Variants in GNG4 observed in about 807,000 individuals in gnomAD.
GNG4 encodes the protein G protein subunit gamma 4, also known as guanine nucleotide-binding protein G(I)/G(S)/G(O) subunit gamma-4.
A neutral mutation model predicts 5.8 loss-of-function variants in GNG4; 4 were observed. The ratio of observed to expected loss-of-function variants is 0.69; its 90% CI spans 0.34 to 1.57. The LOEUF (loss-of-function observed/expected upper bound fraction) is 1.57, where lower values mean the gene tolerates loss of function less well. GNG4 is among the 40% of genes most tolerant of loss of function. The probability of loss-of-function intolerance (pLI) is 0.06; values close to 1 mark genes in which losing one functional copy is unlikely to be tolerated. For missense variants in GNG4, 96 were observed against 95.1 expected (o/e 1.01, Z -0.04); for synonymous variants, 29 against 32.9 (o/e 0.88, Z 0.41).
chr1:235,643,890 C>T (rs760220612), intron 1 of GNG4, among the ~76,000 whole-genome samples: 6 of 152,338 alleles, frequency 3.9e-5, no homozygotes, highest in Non-Finnish European at 8.8e-5. Context: ...GAGGGTCTAA[C>T]GAGAAACTTG....
chr1:235,553,800 A>T (rs991688677), intron 3 of GNG4, among the ~76,000 whole-genome samples: 5 of 152,224 alleles, frequency 3.3e-5, no homozygotes, highest in Admixed American at 2.6e-4. Context: ...CCCGTAAGCT[A>T]GCTGTGTGAC....
At chr1:235,587,363 GT>G (rs1687802833) in intron 2 of GNG4, among the ~76,000 whole-genome samples, 1 of 82,208 alleles carries the variant, frequency 1.2e-5, no homozygotes, top group Admixed American at 1.2e-4. Flanking sequence ...GGGGTGGGGT[GT>G]GTGTGAGTGT....
intron 1 of GNG4, among the ~76,000 whole-genome samples, chr1:235,636,366 G>A (rs1268062704): frequency 6.6e-6 from 1 of 152,220 alleles, no homozygotes; most frequent in East Asian, 1.9e-4. Flanking sequence ...GGGGGTCTCA[G>A]AAAAGGGGAA....
chr1:235,636,456 G>C (rs1446201817), intron 1 of GNG4, among the ~76,000 whole-genome samples: 7 of 152,110 alleles, frequency 4.6e-5, no homozygotes, highest in African/African-American at 1.2e-4. Context: ...AGCTGGCACT[G>C]AGCAGCAGGC....
chr1:235,605,879 G>A (rs1348043462), intron 1 of GNG4, among the ~76,000 whole-genome samples: 1 of 151,248 alleles, frequency 6.6e-6, no homozygotes, highest in African/African-American at 2.4e-5. Flanking sequence ...ATGTAGGCAG[G>A]TGTCATCAAA....
At position 235,551,537 on chromosome 1, in the gene GNG4, C is replaced by T. The variant is rs189513363; in HGVS notation, c.*572G>A. 5.9e-3 allele frequency: 864 copies of T among 146,504 alleles called. 3 individuals are homozygous for T. The highest frequency in any genetic ancestry group is 8.2e-3 in the Admixed American group (114 of 13,916). The allele number at this position is 146,504 out of a possible 1,614,324, so 9.1% of individuals were successfully genotyped here. On this transcript the variant is annotated 3_prime_UTR_variant, in exon 4 of 4. Transcript: ENST00000391854. Reference sequence around the variant, plus strand: ...CAGCCTGGGTGACAGAGCGAGACTCCATCTCAAAACAACAACAACAACAAA... The same window carrying T: ...CAGCCTGGGTGACAGAGCGAGACTCTATCTCAAAACAACAACAACAACAAA...
chr1:235,594,669 C>T (rs1048198742), intron 2 of GNG4, among the ~76,000 whole-genome samples: 6 of 152,222 alleles, frequency 3.9e-5, no homozygotes, highest in Non-Finnish European at 7.3e-5. Context: ...GCGGGCCGGC[C>T]GCTCCCAGTG....
chr1:235,602,594 G>T (rs1688280403), intron 1 of GNG4, among the ~76,000 whole-genome samples: 1 of 152,196 alleles, frequency 6.6e-6, no homozygotes, highest in Admixed American at 6.6e-5. Flanking sequence ...CTGGATGGCT[G>T]CCTTGAAAAT....
chr1:235,568,672 C>T (rs919028420), intron 3 of GNG4, among the ~76,000 whole-genome samples: 2 of 152,072 alleles, frequency 1.3e-5, no homozygotes, highest in African/African-American at 4.8e-5. Flanking sequence ...AAGTGTTGTC[C>T]AGACTGATAT....
At chr1:235,630,130 G>A (rs1199620162) in intron 1 of GNG4, among the ~76,000 whole-genome samples, 1 of 152,224 alleles carries the variant, frequency 6.6e-6, no homozygotes, top group Non-Finnish European at 1.5e-5. Context: ...TAGAGTTGGT[G>A]AGTAGAGATG....
intron 3 of GNG4, among the ~76,000 whole-genome samples, chr1:235,582,857 A>C (rs1042670766): frequency 1.3e-5 from 2 of 152,182 alleles, no homozygotes; most frequent in African/African-American, 4.8e-5. Flanking sequence ...TTGTACCCCC[A>C]GAGCTCCAGG....
intron 2 of GNG4, among the ~76,000 whole-genome samples, chr1:235,586,752 G>A (rs560735974): frequency 1.3e-5 from 2 of 152,308 alleles, no homozygotes; most frequent in Admixed American, 6.5e-5. Flanking sequence ...TTCACCTTCT[G>A]CATGAGTGGA....
intron 1 of GNG4, among the ~76,000 whole-genome samples, chr1:235,646,558 G>A (rs542158200): frequency 1.3e-5 from 2 of 152,300 alleles, no homozygotes; most frequent in South Asian, 2.1e-4. Context: ...CCGATCCTCG[G>A]AGACTGGGCC....
chr1:235,638,144 T>A (rs143680746), intron 1 of GNG4, among the ~76,000 whole-genome samples: 1 of 152,260 alleles, frequency 6.6e-6, no homozygotes, highest in African/African-American at 2.4e-5. Flanking sequence ...AGAAGAGAGG[T>A]GAGTGGACAG....
At chr1:235,575,401 C>T (rs1047363062) in intron 3 of GNG4, among the ~76,000 whole-genome samples, 5 of 152,196 alleles carry the variant, frequency 3.3e-5, no homozygotes, top group African/African-American at 1.2e-4. Flanking sequence ...AGTTCTCCTG[C>T]GTTTCTTGGG....
At chr1:235,574,180 G>A (rs567396154) in intron 3 of GNG4, among the ~76,000 whole-genome samples, 495 of 152,220 alleles carry the variant, frequency 3.3e-3, no homozygotes, top group African/African-American at 0.012. Context: ...AGCCTAGCCT[G>A]GACAACATGG....
At chr1:235,616,346 T>A in intron 1 of GNG4, 1 of 427,336 alleles carries the variant, frequency 2.3e-6, no homozygotes, top group Non-Finnish European at 4.6e-6. Flanking sequence ...GTTGGCCAGA[T>A]TCACCGTCAT....
intron 1 of GNG4, among the ~76,000 whole-genome samples, chr1:235,617,764 A>G (rs959976113): frequency 4.6e-5 from 7 of 152,022 alleles, no homozygotes; most frequent in Non-Finnish European, 1.0e-4. Context: ...GTGCACCTGT[A>G]GTTCCAGCTA....
intron 1 of GNG4, among the ~76,000 whole-genome samples, chr1:235,601,908 C>T (rs896212860): frequency 6.6e-6 from 1 of 151,962 alleles, no homozygotes; most frequent in African/African-American, 2.4e-5. Context: ...GTCCCTGGAC[C>T]GGAGGCATCA....
Sources: allele counts gnomAD v4.1 joint callset (sites outside exome capture counted in the v4.1 genomes callset), GRCh38; gene constraint gnomAD v4.1.1; transcripts MANE v1.5; gene names NCBI Gene and HGNC (gene_info 2026-07-23, HGNC 2026-07-21).